Variants in PIGB observed in about 807,000 individuals in gnomAD.
PIGB encodes the protein GPI alpha-1,2-mannosyltransferase 3.
PIGB carries 58 observed loss-of-function variants against 68.4 expected under a neutral mutation model. The ratio of observed to expected loss-of-function variants is 0.85; its 90% CI spans 0.69 to 1.06. PIGB has a LOEUF of 1.06. Among genes scored for constraint, PIGB ranks in the 50% least tolerant of loss-of-function variants. The pLI, the probability that PIGB is intolerant of heterozygous loss-of-function variation, is 0.00. For synonymous variants in PIGB, 219 were observed against 220.5 expected, an observed-to-expected ratio of 0.99 and a Z score of 0.06; for missense variants, 634 against 655.8, an observed-to-expected ratio of 0.97 and a Z score of 0.36.
intron 3 of PIGB, among the ~76,000 whole-genome samples, chr15:55,323,622 G>T (rs964067485): frequency 3.3e-5 from 5 of 152,090 alleles, no homozygotes; most frequent in African/African-American, 1.2e-4. Context: ...TACAAAAAAA[G>T]AATAAAAATA....
rs560488921 is a variant in PIGB at position 55,332,099 on chromosome 15, C to T, written c.654-1768C>T. 1.2e-3 allele frequency among the ~76,000 whole-genome samples: 190 copies of T among 152,008 alleles called. 1 individual carries two copies. The highest frequency in any genetic ancestry group is 3.7e-3 in the African/African-American group (154 of 41,466). ...TTCAAGCAATTCTGCTTCAGCCTCC[C>T]GAGTAGCTGGGACTACAGGCGCGCA... is the stretch of plus-strand genomic sequence containing the variant. On this transcript the variant is annotated intron_variant, in intron 5 of 11. Transcript: ENST00000164305.
intron 3 of PIGB, among the ~76,000 whole-genome samples, chr15:55,324,995 TC>T (rs2141167363): frequency 6.6e-6 from 1 of 152,260 alleles, no homozygotes; most frequent in Non-Finnish European, 1.5e-5. Context: ...GTAAAGCAGC[TC>T]CTATAATGTG....
chr15:55,320,311 C>A lies in PIGB; in HGVS notation c.200C>A (p.Thr67Asn), dbSNP rs564913836. ...LGENIYLLLF[T>N]IALRILNCFL... ...GAAAATATTTATCTGCTCTTGTTTA[C>A]CATAGCTTTACGAATATTAAACTGC... The change falls in exon 2 of 12, where the codon ACC becomes AAC. Residue 67 changes from threonine (T) to asparagine (N), a missense_variant. Thr to Asn is a moderately conservative substitution (Grantham distance 65). Transcript: ENST00000164305. 6.2e-7 allele frequency: 1 copy of A among 1,612,686 alleles called. No individual in the cohort carries two copies. Among genetic ancestry groups the A allele is most frequent in the African/African-American group, 1.3e-5 (1 of 74,882 alleles).
chr15:55,320,275 A>T lies in PIGB; in HGVS notation c.164A>T (p.Asp55Val). 6.2e-7 allele frequency: 1 copy of T among 1,610,766 alleles called. No individual in the cohort carries two copies. The highest frequency in any genetic ancestry group is 1.1e-5 in the South Asian group (1 of 90,620). ...TQEKSARRRG[D>V]LLGENIYLLL... ...TTACCTGTTTTGTTCTGTTTTTCAGATCTTCTTGGAGAAAATATTTATCTG... is the reference window on the plus strand; with the variant it reads ...TTACCTGTTTTGTTCTGTTTTTCAGTTCTTCTTGGAGAAAATATTTATCTG... The change falls in exon 2 of 12, where the codon GAT becomes GTT. Residue 55 changes from aspartate (D) to valine (V), a missense_variant and splice_region_variant. Transcript: ENST00000164305.
intron 5 of PIGB, among the ~76,000 whole-genome samples, chr15:55,330,686 T>C (rs2055393961): frequency 6.6e-6 from 1 of 152,322 alleles, no homozygotes; most frequent in African/African-American, 2.4e-5. Flanking sequence ...TTGAGTAGCA[T>C]GACATAATCA....
At chr15:55,319,876 T>C (rs1037053569) in intron 1 of PIGB, 7 of 179,710 alleles carry the variant, frequency 3.9e-5, no homozygotes, top group African/African-American at 1.2e-4. Context: ...TCAATATATA[T>C]GTACAGAGGA....
intron 3 of PIGB, among the ~76,000 whole-genome samples, chr15:55,323,931 A>G (rs1653926324): frequency 6.6e-6 from 1 of 152,230 alleles, no homozygotes; most frequent in African/African-American, 2.4e-5. Context: ...TCTGTCGCCC[A>G]GGCTGGAGTG....
chr15:55,342,713 G>T (rs1314664322), intron 9 of PIGB, among the ~76,000 whole-genome samples: 1 of 152,186 alleles, frequency 6.6e-6, no homozygotes, highest in African/African-American at 2.4e-5. Flanking sequence ...CATTTTTTAA[G>T]TAATTAACTC....
chr15:55,329,925 G>A lies in PIGB; in HGVS notation c.653+71G>A, dbSNP rs964298355. On this transcript the variant is annotated intron_variant, in intron 5 of 11. Transcript: ENST00000164305. ...GAAAAATCTTAAATATCAACATATTGTAATGTCTAGTAGACCCCCTAATTT... is the reference window on the plus strand; with the variant it reads ...GAAAAATCTTAAATATCAACATATTATAATGTCTAGTAGACCCCCTAATTT... The A allele has an allele frequency of 7.3e-6, 8 of 1,101,866 alleles. No homozygotes were observed. In the African/African-American group the frequency reaches 1.1e-4, roughly 15 times the overall value. The allele number at this position is 1,101,866 out of a possible 1,614,324, so 68.3% of individuals were successfully genotyped here. A position where few individuals can be genotyped will look rare whatever the true frequency, so the allele number is the denominator to read the frequency against.
At chr15:55,320,441 G>T in intron 2 of PIGB, 31 bp downstream of exon 2, 4 of 1,602,330 alleles carry the variant, frequency 2.5e-6, no homozygotes, top group Non-Finnish European at 2.6e-6. Flanking sequence ...TCCAGACTAT[G>T]AGTGTGTATT....
chr15:55,333,632 TG>T (rs1441711704), intron 5 of PIGB, among the ~76,000 whole-genome samples: 2 of 152,308 alleles, frequency 1.3e-5, no homozygotes, highest in East Asian at 3.9e-4. Flanking sequence ...CTCGGGATGC[TG>T]AGGCAGGAGA....
At position 55,320,462 on chromosome 15, in the gene PIGB, ATTGTGCTCAGTTTCTTTTAG is replaced by A; in HGVS notation, c.299+53_299+72del. The A allele has an allele frequency of 8.3e-6, 13 of 1,565,296 alleles. No homozygotes were observed. In the South Asian group the frequency reaches 1.4e-4, roughly 17 times the overall value. On this transcript the variant is annotated intron_variant, in intron 2 of 11. Transcript: ENST00000164305. ...CTATGAGTGTGTATTCATCTTGGAA[ATTGTGCTCAGTTTCTTTTAG>A]AGTAGTCCCCCTTGCTCCCTCGTCT...
intron 1 of PIGB, chr15:55,319,767 A>T (rs1329781842): frequency 9.7e-6 from 2 of 206,138 alleles, no homozygotes; most frequent in African/African-American, 2.3e-5. Context: ...CGTCTGTAAA[A>T]TGGGGCTAAT....
intron 5 of PIGB, among the ~76,000 whole-genome samples, chr15:55,331,760 G>GTGT (rs1311013696): frequency 6.6e-6 from 1 of 151,976 alleles, no homozygotes; most frequent in Non-Finnish European, 1.5e-5. Flanking sequence ...TGCCCAGCTG[G>GTGT]TGTTCAACTC....
At chr15:55,324,116 C>T (rs2055226708) in intron 3 of PIGB, among the ~76,000 whole-genome samples, 1 of 152,162 alleles carries the variant, frequency 6.6e-6, no homozygotes, top group Non-Finnish European at 1.5e-5. Context: ...AATGATCTGC[C>T]TGCCTCTACC....
At chr15:55,349,594 T>C (rs2055879737) in intron 9 of PIGB, 2 of 152,218 alleles carry the variant, frequency 1.3e-5, no homozygotes, top group Admixed American at 6.5e-5. Context: ...TATTCTTTAA[T>C]CAGAACTATT....
At chr15:55,350,653 CAA>C in intron 9 of PIGB, 44 bp from the exon 10 acceptor site, 3 of 1,202,454 alleles carry the variant, frequency 2.5e-6, no homozygotes, top group Non-Finnish European at 3.6e-6. Flanking sequence ...GTTAACATAA[CAA>C]AAGATTGTCA....
intron 8 of PIGB, 50 bp from the exon 9 acceptor site, chr15:55,341,688 C>T (rs2055674058): frequency 1.4e-6 from 1 of 701,744 alleles, no homozygotes; most frequent in Admixed American, 3.2e-5. Context: ...CTCAATCTAT[C>T]ATATAACATG....
chr15:55,326,065 C>T (rs941688099), intron 3 of PIGB, among the ~76,000 whole-genome samples: 3 of 151,772 alleles, frequency 2.0e-5, no homozygotes, highest in Admixed American at 6.6e-5. Context: ...GGCGTGGCGG[C>T]GTGCACCTGT....
Sources: gnomAD v4.1 joint callset for allele counts (sites outside exome capture counted in the v4.1 genomes callset) on GRCh38, gnomAD v4.1.1 for gene constraint, MANE v1.5 for transcripts, NCBI Gene and HGNC (gene_info 2026-07-23, HGNC 2026-07-21) for gene names.